MAPKAP1: variants seen among roughly 807,000 people sequenced by gnomAD.
MAPKAP1 encodes the protein target of rapamycin complex 2 subunit MAPKAP1.
MAPKAP1 carries 20 observed loss-of-function variants against 65.7 expected under a neutral mutation model. That is an observed-to-expected ratio of 0.30 (90% CI 0.21 to 0.44). The LOEUF is 0.44. MAPKAP1 is among the 20% of genes least tolerant of loss of function. The pLI, the probability that MAPKAP1 is intolerant of heterozygous loss-of-function variation, is 1.00. For synonymous variants in MAPKAP1, 222 were observed against 244.3 expected (o/e 0.91, Z 0.85); for missense variants, 423 against 648.0 (o/e 0.65, Z 3.77).
intron 4 of MAPKAP1, among the ~76,000 whole-genome samples, chr9:125,636,803 C>A (rs969066616): frequency 6.6e-6 from 1 of 152,338 alleles, no homozygotes; most frequent in South Asian, 2.1e-4. Flanking sequence ...GAGAAGCTAA[C>A]TTCTTACTCA....
chr9:125,653,624 T>C (rs949222016), intron 4 of MAPKAP1, among the ~76,000 whole-genome samples: 1 of 152,200 alleles, frequency 6.6e-6, no homozygotes, highest in African/African-American at 2.4e-5. Context: ...GTGCCACATT[T>C]TGGGGTAGTG....
Position 125,684,631 on chromosome 9 carries a change from G to A in MAPKAP1, c.-69-11988C>T, listed in dbSNP as rs780107872. On this transcript the variant is annotated intron_variant, in intron 1 of 11. Transcript: ENST00000265960. ...GAAGTTTTAGTCTACCCTAAGGAGCGCCAAAGCCCAAACAACTACAATAAA... is the reference window on the plus strand; with the variant it reads ...GAAGTTTTAGTCTACCCTAAGGAGCACCAAAGCCCAAACAACTACAATAAA... Among the ~76,000 whole-genome samples, 10 of 152,106 alleles carry A rather than the reference G, an allele frequency of 6.6e-5. No individual in the cohort carries two copies. The South Asian group carries it at 1.5e-3, about 22-fold the overall frequency.
chr9:125,535,023 A>G (rs1460731450), intron 7 of MAPKAP1, among the ~76,000 whole-genome samples: 1 of 152,240 alleles, frequency 6.6e-6, no homozygotes, highest in African/African-American at 2.4e-5. Flanking sequence ...TAGTGCCTAC[A>G]CAGTGCCTGT....
intron 4 of MAPKAP1, 69 bp from the exon 5 acceptor site, chr9:125,585,796 C>T: frequency 1.4e-6 from 2 of 1,465,088 alleles, no homozygotes; most frequent in Non-Finnish European, 1.9e-6. Flanking sequence ...GCTCTCCAGG[C>T]CTGTGGGCAG....
chr9:125,502,033 T>A (rs1489049460), intron 8 of MAPKAP1, among the ~76,000 whole-genome samples: 1 of 152,116 alleles, frequency 6.6e-6, no homozygotes, highest in Non-Finnish European at 1.5e-5. Context: ...TTTATTCGTT[T>A]CAGGTTTTTC....
At position 125,438,203 on chromosome 9, in the gene MAPKAP1, G is replaced by A. The variant is rs1202109767; in HGVS notation, c.*684C>T. 2 of 394,976 alleles carry A rather than the reference G, an allele frequency of 5.1e-6. No individual in the cohort carries two copies. The highest frequency in any genetic ancestry group is 4.4e-5 in the Admixed American group (1 of 22,616). 24.5% of individuals were successfully genotyped at this position (394,976 alleles called of 1,614,324 possible). ...CAGCTCCTGGGCTCTGAGGTCAGAA[G>A]CTGGGGTGTGCTGAAGGGGAAAGTG... On this transcript the variant is annotated 3_prime_UTR_variant, in exon 12 of 12. Coordinates refer to ENST00000265960, the MANE Select transcript of MAPKAP1 (RefSeq NM_001006617.3).
chr9:125,582,303 A>G (rs541910741), intron 5 of MAPKAP1, among the ~76,000 whole-genome samples: 15 of 152,320 alleles, frequency 9.8e-5, no homozygotes, highest in South Asian at 2.1e-4. Flanking sequence ...GAGCTTAAAC[A>G]TATTTATTTG....
chr9:125,543,057 A>C lies in MAPKAP1; in HGVS notation c.958+2T>G. ...TGTGAGAATATGATTTAACTATCCC[A>C]CCTGAAACTTTCTGGGATCCTTTTC... On this transcript the variant is annotated splice_donor_variant, in intron 7 of 11. Transcript: ENST00000265960. LOFTEE classifies it high-confidence loss of function. 2 of 1,593,414 alleles carry C rather than the reference A, an allele frequency of 1.3e-6. No individual in the cohort carries two copies. Among genetic ancestry groups the C allele is most frequent in the Non-Finnish European group, 1.7e-6 (2 of 1,161,128 alleles).
chr9:125,624,363 C>T lies in MAPKAP1; in HGVS notation c.498+33288G>A, dbSNP rs1416686365. ...GGGGTCGGCCCCCCGCCCGGCCAGC[C>T]GCCCCATCCGGGAGGGAGGTGGGGG... On this transcript the variant is annotated intron_variant, in intron 4 of 11. Transcript: ENST00000265960. 4.2e-3 allele frequency among the ~76,000 whole-genome samples: 255 copies of T among 60,868 alleles called. 19 individuals carry two copies. The highest frequency in any genetic ancestry group is 0.014 in the African/African-American group (241 of 17,820). The allele number at this position is 60,868 out of a possible 152,430, so 39.9% of individuals were successfully genotyped here.
At chr9:125,686,685 A>G (rs1406196798) in intron 1 of MAPKAP1, among the ~76,000 whole-genome samples, 2 of 152,258 alleles carry the variant, frequency 1.3e-5, no homozygotes, top group Non-Finnish European at 2.9e-5. Flanking sequence ...CACCTGTGCC[A>G]TAATTCAAAC....
chr9:125,660,165 A>G (rs1747102970), intron 3 of MAPKAP1, among the ~76,000 whole-genome samples: 1 of 152,104 alleles, frequency 6.6e-6, no homozygotes, highest in African/African-American at 2.4e-5. Flanking sequence ...CTCAATCTAC[A>G]TTCACGCCAC....
intron 6 of MAPKAP1, among the ~76,000 whole-genome samples, chr9:125,550,162 G>C (rs1026276472): frequency 1.3e-5 from 2 of 152,052 alleles, no homozygotes; most frequent in African/African-American, 4.8e-5. Flanking sequence ...GTGCAGACAG[G>C]ATCTGGAAAT....
intron 8 of MAPKAP1, among the ~76,000 whole-genome samples, chr9:125,504,449 C>T (rs1400606199): frequency 1.2e-4 from 19 of 152,156 alleles, no homozygotes; most frequent in Middle Eastern, 3.4e-3. Context: ...TGTGCATGCT[C>T]GGCGGAAGAG....
At chr9:125,589,217 C>T (rs1378803021) in intron 4 of MAPKAP1, among the ~76,000 whole-genome samples, 3 of 152,156 alleles carry the variant, frequency 2.0e-5, no homozygotes, top group African/African-American at 7.2e-5. Flanking sequence ...TCACTGTTAA[C>T]ACTCCTTTTG....
intron 4 of MAPKAP1, among the ~76,000 whole-genome samples, chr9:125,588,609 C>A (rs1288539385): frequency 6.6e-6 from 1 of 152,226 alleles, no homozygotes; most frequent in Non-Finnish European, 1.5e-5. Context: ...TCTATCTCCA[C>A]TGCCACCAAA....
intron 7 of MAPKAP1, among the ~76,000 whole-genome samples, chr9:125,512,522 C>T (rs1356851275): frequency 1.3e-5 from 2 of 152,066 alleles, no homozygotes; most frequent in Admixed American, 1.3e-4. Flanking sequence ...GTAAACTTGT[C>T]GTTTAATCTT....
intron 10 of MAPKAP1, among the ~76,000 whole-genome samples, chr9:125,457,706 TCTATGG>T (rs1385457180): frequency 3.3e-5 from 5 of 152,246 alleles, no homozygotes; most frequent in Admixed American, 3.3e-4. Flanking sequence ...CAGTCTTTAG[TCTATGG>T]CTAATTTAGT....
intron 3 of MAPKAP1, among the ~76,000 whole-genome samples, chr9:125,662,120 G>A (rs1213519157): frequency 1.3e-5 from 2 of 152,194 alleles, no homozygotes; most frequent in Non-Finnish European, 2.9e-5. Flanking sequence ...GTGGCTCACC[G>A]ACTGTAATTC....
At chr9:125,519,091 T>C (rs1009292703) in intron 7 of MAPKAP1, among the ~76,000 whole-genome samples, 1 of 152,218 alleles carries the variant, frequency 6.6e-6, no homozygotes, top group Non-Finnish European at 1.5e-5. Flanking sequence ...GGGAAGACTG[T>C]GGCCCCTGGA....
Sources: allele counts gnomAD v4.1 joint callset (sites outside exome capture counted in the v4.1 genomes callset), GRCh38; gene constraint gnomAD v4.1.1; transcripts MANE v1.5; gene names NCBI Gene and HGNC (gene_info 2026-07-23, HGNC 2026-07-21).